The following ZNF704 variants were observed in gnomAD, a reference collection of about 807,000 sequenced individuals.
The protein encoded by ZNF704 is zinc finger protein 704.
In ZNF704, 10 loss-of-function variants were observed where a neutral mutation model predicts 44.7. The observed-to-expected ratio is 0.22, with a 90% CI of 0.14 to 0.38. The LOEUF is 0.38. ZNF704 is among the 10% of genes least tolerant of loss of function. ZNF704 has a pLI of 1.00. For missense variants in ZNF704, 390 were observed against 545.5 expected, an observed-to-expected ratio of 0.71 and a Z score of 2.84; for synonymous variants, 211 against 207.6, an observed-to-expected ratio of 1.02 and a Z score of -0.14.
intron 1 of ZNF704, among the ~76,000 whole-genome samples, chr8:80,822,543 A>G (rs1359353688): frequency 6.6e-6 from 1 of 152,144 alleles, no homozygotes; most frequent in East Asian, 1.9e-4. Context: ...ATGATTTATA[A>G]TCCTTTGGGT....
At chr8:80,715,210 T>A (rs778802232) in intron 2 of ZNF704, among the ~76,000 whole-genome samples, 1 of 152,244 alleles carries the variant, frequency 6.6e-6, no homozygotes, top group Non-Finnish European at 1.5e-5. Context: ...TCGGACACTA[T>A]TAATGTATAA....
intron 2 of ZNF704, among the ~76,000 whole-genome samples, chr8:80,813,888 GA>G (rs1319929724): frequency 6.6e-6 from 1 of 151,796 alleles, no homozygotes; most frequent in Admixed American, 6.6e-5. Context: ...CAAAAAAAAA[GA>G]AAAGAAAAGA....
intron 2 of ZNF704, among the ~76,000 whole-genome samples, chr8:80,696,441 G>T (rs1778293654): frequency 6.6e-6 from 1 of 152,134 alleles, no homozygotes; most frequent in Non-Finnish European, 1.5e-5. Flanking sequence ...GTTTTGAGAT[G>T]GAGTCTTGCT....
rs1818550758 is a variant in ZNF704, at chr8:80,687,108, G to A, written c.558+118C>T. On this transcript the variant is annotated intron_variant, in intron 4 of 8. Transcript: ENST00000327835. ...AGAACATTAAAGAGGAACGTAAGCT[G>A]CTTCTTTCCACAGAAAGGGGGTGTA... is the stretch of plus-strand genomic sequence containing the variant. 5.0e-6 allele frequency: 4 copies of A among 793,694 alleles called. No individual in the cohort carries two copies. In the African/African-American group the frequency reaches 5.2e-5, roughly 10 times the overall value. The allele number at this position is 793,694 out of a possible 1,614,324, so 49.2% of individuals were successfully genotyped here. A position where few individuals can be genotyped will look rare whatever the true frequency, so the allele number is the denominator to read the frequency against.
chr8:80,635,778 G>A lies in ZNF704; in HGVS notation c.*5588C>T, dbSNP rs550047307. ...TTTTCCATACTTTGAAAACACACTA[G>A]TAATGGTAAAAGGAGTAGCTGTTGC... On this transcript the variant is annotated 3_prime_UTR_variant, in exon 9 of 9. Coordinates refer to ENST00000327835, the MANE Select transcript of ZNF704 (RefSeq NM_001033723.3). 6.6e-6 allele frequency: 1 copy of A among 152,210 alleles called. No homozygotes were observed. The highest frequency in any genetic ancestry group is 6.5e-5 in the Admixed American group (1 of 15,288). 9.4% of individuals were successfully genotyped at this position (152,210 alleles called of 1,614,324 possible).
rs1368016319 is a variant in ZNF704, at chr8:80,639,785, T to C, written c.*1581A>G. 1 of 152,656 alleles carries C rather than the reference T, an allele frequency of 6.6e-6. No individual in the cohort carries two copies. The highest frequency in any genetic ancestry group is 1.5e-5 in the Non-Finnish European group (1 of 68,044). 9.5% of individuals were successfully genotyped at this position (152,656 alleles called of 1,614,324 possible). The stretch of plus-strand genomic sequence containing the variant: ...CTTAAAAAAGTGTATGTATAATCTC[T>C]AGACATATATTAAACTTTCCTCTGT... On this transcript the variant is annotated 3_prime_UTR_variant, in exon 9 of 9. Coordinates refer to ENST00000327835, the MANE Select transcript of ZNF704 (RefSeq NM_001033723.3).
At chr8:80,738,755 C>T (rs1806707455) in intron 2 of ZNF704, among the ~76,000 whole-genome samples, 1 of 152,138 alleles carries the variant, frequency 6.6e-6, no homozygotes, top group South Asian at 2.1e-4. Context: ...GTCACATATA[C>T]TTCTGTCTCC....
intron 2 of ZNF704, among the ~76,000 whole-genome samples, chr8:80,721,284 A>G (rs1819162922): frequency 1.3e-5 from 2 of 152,196 alleles, no homozygotes; most frequent in Admixed American, 1.3e-4. Flanking sequence ...GAAATAGAGG[A>G]GAGAGCTTGA....
At chr8:80,783,544 G>T (rs963586755) in intron 2 of ZNF704, among the ~76,000 whole-genome samples, 1 of 152,090 alleles carries the variant, frequency 6.6e-6, no homozygotes, top group Non-Finnish European at 1.5e-5. Context: ...GCCTAATGGG[G>T]GAAGGGGACA....
chr8:80,831,109 A>C (rs537501740), intron 1 of ZNF704, among the ~76,000 whole-genome samples: 16 of 152,282 alleles, frequency 1.1e-4, no homozygotes, highest in African/African-American at 3.8e-4. Flanking sequence ...TTGTGATGCA[A>C]AGAGATAGCC....
intron 1 of ZNF704, among the ~76,000 whole-genome samples, chr8:80,869,780 T>C (rs945981323): frequency 6.6e-6 from 1 of 152,270 alleles, no homozygotes; most frequent in African/African-American, 2.4e-5. Context: ...CTATTCCTCC[T>C]GACTACATTG....
chr8:80,727,739 G>A (rs973455826), intron 2 of ZNF704, among the ~76,000 whole-genome samples: 2 of 152,112 alleles, frequency 1.3e-5, no homozygotes, highest in Non-Finnish European at 2.9e-5. Flanking sequence ...AATATTTCTG[G>A]AGAGCTCCTT....
chr8:80,645,561 C>T (rs112966494), intron 7 of ZNF704, among the ~76,000 whole-genome samples: 8,684 of 152,002 alleles, frequency 0.057, 273 homozygotes, highest in Middle Eastern at 0.092. Context: ...TGGACCATTC[C>T]CTTGGTGATA....
intron 2 of ZNF704, among the ~76,000 whole-genome samples, chr8:80,772,874 G>A (rs1027329876): frequency 6.6e-6 from 1 of 151,998 alleles, no homozygotes; most frequent in Non-Finnish European, 1.5e-5. Flanking sequence ...ATTGATTTGA[G>A]ACTTTTGGTC....
chr8:80,773,718 C>G (rs558837706), intron 2 of ZNF704, among the ~76,000 whole-genome samples: 3 of 152,230 alleles, frequency 2.0e-5, no homozygotes, highest in Admixed American at 2.0e-4. Context: ...ATTGACAGTT[C>G]TTTTCTTTCA....
At chr8:80,722,489 T>C (rs1806387741) in intron 2 of ZNF704, among the ~76,000 whole-genome samples, 1 of 152,228 alleles carries the variant, frequency 6.6e-6, no homozygotes, top group Non-Finnish European at 1.5e-5. Context: ...TATCACTGCA[T>C]AAATCATGAA....
intron 1 of ZNF704, among the ~76,000 whole-genome samples, chr8:80,868,903 T>G (rs907891460): frequency 3.3e-5 from 5 of 152,178 alleles, no homozygotes; most frequent in Admixed American, 3.3e-4. Context: ...TTTCTTTCTA[T>G]TGCTCACTCA....
At chr8:80,838,102 C>T (rs1192766410) in intron 1 of ZNF704, among the ~76,000 whole-genome samples, 1 of 152,162 alleles carries the variant, frequency 6.6e-6, no homozygotes, top group Non-Finnish European at 1.5e-5. Flanking sequence ...AGCTCCCCAT[C>T]CTCCCTGGCT....
chr8:80,840,595 CT>C (rs1199972661), intron 1 of ZNF704, among the ~76,000 whole-genome samples: 2 of 152,132 alleles, frequency 1.3e-5, no homozygotes, highest in African/African-American at 4.8e-5. Context: ...AGAAAATCCC[CT>C]GATCCTGCTC....
Sources: gnomAD v4.1 joint callset for allele counts (sites outside exome capture counted in the v4.1 genomes callset) on GRCh38, gnomAD v4.1.1 for gene constraint, MANE v1.5 for transcripts, NCBI Gene and HGNC (gene_info 2026-07-23, HGNC 2026-07-21) for gene names.